Variants in CAMTA1 observed in about 807,000 individuals in gnomAD.
CAMTA1 encodes calmodulin-binding transcription activator 1.
CAMTA1 carries 27 observed loss-of-function variants against 170.9 expected under a neutral mutation model. The ratio of observed to expected loss-of-function variants is 0.16; its 90% confidence interval spans 0.12 to 0.22. The LOEUF (loss-of-function observed/expected upper bound fraction) is 0.22. Ranked by LOEUF, CAMTA1 falls within the 10% of genes least tolerant of loss-of-function variation. CAMTA1 has a pLI of 1.00. For synonymous variants in CAMTA1, 833 were observed against 891.5 expected, an observed-to-expected ratio of 0.93 and a Z score of 1.17; for missense variants, 1,619 against 2,217.2, an observed-to-expected ratio of 0.73 and a Z score of 5.42.
intron 6 of CAMTA1, among the ~76,000 whole-genome samples, chr1:7,491,553 G>A (rs561228070): frequency 7.9e-5 from 12 of 152,156 alleles, no homozygotes; most frequent in Non-Finnish European, 1.8e-4. Flanking sequence ...CAATCTGGGC[G>A]GGGAAAAAGG....
Position 7,450,838 on chromosome 1 carries a change from G to A in CAMTA1, c.439-16992G>A, listed in dbSNP as rs970743648. On this transcript the variant is annotated intron_variant, in intron 5 of 22. Transcript: ENST00000303635. ...ATAAAATGCAGGACCGAGGGTGAGA[G>A]CCCCTCTATTGGGGCAGAGAGAGCA... is the stretch of plus-strand genomic sequence containing the variant. 9.9e-5 allele frequency among the ~76,000 whole-genome samples: 15 copies of A among 151,936 alleles called. 1 individual carries two copies. Among genetic ancestry groups the A allele is most frequent in the Admixed American group, 8.5e-4 (13 of 15,244 alleles).
chr1:7,554,710 A>G (rs1461244581), intron 6 of CAMTA1, among the ~76,000 whole-genome samples: 4 of 151,972 alleles, frequency 2.6e-5, no homozygotes, highest in Non-Finnish European at 5.9e-5. Flanking sequence ...TCTGCCTTTG[A>G]CCACAAGCTG....
At chr1:6,935,096 T>G (rs1685082656) in intron 3 of CAMTA1, among the ~76,000 whole-genome samples, 1 of 152,194 alleles carries the variant, frequency 6.6e-6, no homozygotes, top group South Asian at 2.1e-4. Flanking sequence ...GTGGTGAAAA[T>G]CTTCCCAAAT....
chr1:7,525,524 G>A (rs2094421859), intron 6 of CAMTA1, among the ~76,000 whole-genome samples: 1 of 152,042 alleles, frequency 6.6e-6, no homozygotes, highest in Non-Finnish European at 1.5e-5. Flanking sequence ...TGTGGCCTCA[G>A]GCAGAGGCTC....
chr1:7,109,466 T>G lies in CAMTA1; in HGVS notation c.302+18095T>G, dbSNP rs145164998. 5.2e-3 allele frequency among the ~76,000 whole-genome samples: 795 copies of G among 152,318 alleles called. 10 individuals carry two copies. The highest frequency in any genetic ancestry group is 0.018 in the African/African-American group (753 of 41,562). ...TTCCTTCTCCTTACAATGGCTGAAT[T>G]GGATTCAGGGATGGTGAATATGCAT... On this transcript the variant is annotated intron_variant, in intron 4 of 22. Coordinates refer to ENST00000303635, the MANE Select transcript of CAMTA1 (RefSeq NM_015215.4).
chr1:7,539,747 T>A (rs1229544442), intron 6 of CAMTA1, among the ~76,000 whole-genome samples: 2 of 152,144 alleles, frequency 1.3e-5, no homozygotes, highest in Non-Finnish European at 2.9e-5. Context: ...CAGCCAGGAA[T>A]GATGAGGGCA....
At chr1:7,016,154 G>A (rs1189169203) in intron 3 of CAMTA1, among the ~76,000 whole-genome samples, 1 of 152,168 alleles carries the variant, frequency 6.6e-6, no homozygotes, top group Non-Finnish European at 1.5e-5. Flanking sequence ...TGCCACCATG[G>A]GTTGGTCTTT....
chr1:7,215,780 G>A (rs189165610), intron 4 of CAMTA1, among the ~76,000 whole-genome samples: 24 of 152,256 alleles, frequency 1.6e-4, no homozygotes, highest in Admixed American at 1.0e-3. Flanking sequence ...TTATTTTCCA[G>A]TTTTATTAGA....
rs763001865 is a variant in CAMTA1, at chr1:7,249,653, T to A, written c.438+27T>A. The A allele has an allele frequency of 2.5e-6, 4 of 1,610,944 alleles. No homozygotes were observed. In the East Asian group the frequency reaches 8.9e-5, roughly 36 times the overall value. ...TAAACAGCAGAAAAGGTTCCCTTGG[T>A]GCACAAATGTCATTTGCAGGCTGCA... On this transcript the variant is annotated intron_variant, in intron 5 of 22. Coordinates refer to ENST00000303635, the MANE Select transcript of CAMTA1 (RefSeq NM_015215.4). The surrounding 1 kb of genome is among the most constrained non-coding windows in gnomAD (Gnocchi z 4.4).
intron 1 of CAMTA1, among the ~76,000 whole-genome samples, chr1:6,790,920 A>G (rs1250457011): frequency 1.3e-5 from 2 of 152,222 alleles, no homozygotes; most frequent in African/African-American, 4.8e-5. Flanking sequence ...CAACGTATAT[A>G]GAAACCAATT....
Position 7,641,282 on chromosome 1 carries a change from G to C in CAMTA1, c.664+729G>C, listed in dbSNP as rs1344200220. 6.6e-6 allele frequency among the ~76,000 whole-genome samples: 1 copy of C among 152,174 alleles called. No individual in the cohort carries two copies. The highest frequency in any genetic ancestry group is 1.5e-5 in the Non-Finnish European group (1 of 68,026). On this transcript the variant is annotated intron_variant, in intron 7 of 22. Transcript: ENST00000303635. The surrounding 1 kb of genome is among the most constrained non-coding windows in gnomAD (Gnocchi z 4.5). ...CTGACCCAAGAAGAGCATGGGGGCTGTTTAGTGGTGGACACGTAGCCCACG... is the reference window on the plus strand; with the variant it reads ...CTGACCCAAGAAGAGCATGGGGGCTCTTTAGTGGTGGACACGTAGCCCACG...
At chr1:7,503,060 C>G (rs1234582050) in intron 6 of CAMTA1, among the ~76,000 whole-genome samples, 2 of 152,188 alleles carry the variant, frequency 1.3e-5, no homozygotes, top group Non-Finnish European at 2.9e-5. Context: ...TGGGGTCAGT[C>G]AGCGTCAGGA....
At position 6,969,694 on chromosome 1, in the gene CAMTA1, G is replaced by A. The variant is rs182170023; in HGVS notation, c.235-121610G>A. On this transcript the variant is annotated intron_variant, in intron 3 of 22. Transcript: ENST00000303635. ...ATATTTACAAAATAAAGGTTGGATG[G>A]GTGTTTATTGGCCTTCAAAGCCAGT... is the stretch of plus-strand genomic sequence containing the variant. Among the ~76,000 whole-genome samples, 9 of 152,274 alleles carry A rather than the reference G, an allele frequency of 5.9e-5. No individual in the cohort carries two copies. In the East Asian group the frequency reaches 1.5e-3, roughly 26 times the overall value.
chr1:7,061,198 G>A (rs1708150578), intron 3 of CAMTA1, among the ~76,000 whole-genome samples: 1 of 152,208 alleles, frequency 6.6e-6, no homozygotes, highest in African/African-American at 2.4e-5. Context: ...TTTGACAAAT[G>A]TTAACCAAGC....
At chr1:7,340,325 C>T (rs1309908670) in intron 5 of CAMTA1, among the ~76,000 whole-genome samples, 2 of 152,110 alleles carry the variant, frequency 1.3e-5, no homozygotes, top group African/African-American at 2.4e-5. Context: ...TTAATTCTTC[C>T]TGCCCCCACT....
intron 6 of CAMTA1, among the ~76,000 whole-genome samples, chr1:7,483,332 T>C (rs2093567392): frequency 6.6e-6 from 1 of 152,116 alleles, no homozygotes; most frequent in African/African-American, 2.4e-5. Context: ...TTGAGTTCAA[T>C]CTAAAATCTG....
chr1:7,311,234 T>C (rs1347195519), intron 5 of CAMTA1, among the ~76,000 whole-genome samples: 1 of 152,246 alleles, frequency 6.6e-6, no homozygotes, highest in African/African-American at 2.4e-5. Context: ...CTTCTAATAT[T>C]CCAATAACAC....
At position 7,457,505 on chromosome 1, in the gene CAMTA1, C is replaced by T. The variant is rs545259442; in HGVS notation, c.439-10325C>T. On this transcript the variant is annotated intron_variant, in intron 5 of 22. Coordinates refer to ENST00000303635, the MANE Select transcript of CAMTA1 (RefSeq NM_015215.4). ...TAGGTCCCCTGCCCCTCAGTGTCCC[C>T]GGGCCAGGCTGTGTCCCATGCCCCT... Among the ~76,000 whole-genome samples the T allele has an allele frequency of 8.6e-5, 13 of 151,998 alleles. No individual in the cohort carries two copies. The South Asian group carries it at 2.3e-3, about 27-fold the overall frequency.
intron 3 of CAMTA1, among the ~76,000 whole-genome samples, chr1:6,854,742 ATAGAG>A (rs371874794): frequency 2.6e-4 from 39 of 152,350 alleles, no homozygotes; most frequent in African/African-American, 8.4e-4. Flanking sequence ...CACTAAATTA[ATAGAG>A]TAGAGCAGAA....
Sources: allele counts gnomAD v4.1 joint callset (sites outside exome capture counted in the v4.1 genomes callset), GRCh38; gene constraint gnomAD v4.1.1; non-coding constraint Gnocchi (gnomAD v3.1); transcripts MANE v1.5; gene names NCBI Gene and HGNC (gene_info 2026-07-23, HGNC 2026-07-21).